The following NRXN3 variants were observed in gnomAD, a reference collection of about 807,000 sequenced individuals.
The protein encoded by NRXN3 is neurexin III.
In NRXN3, 32 loss-of-function variants were observed where a neutral mutation model predicts 137.6. The observed-to-expected ratio is 0.23, with a 90% CI of 0.18 to 0.31. The LOEUF (loss-of-function observed/expected upper bound fraction) is 0.31. NRXN3 is among the 10% of genes least tolerant of loss of function. The pLI is 1.00. For synonymous variants in NRXN3, 798 were observed against 784.5 expected (o/e 1.02, Z -0.29); for missense variants, 1,574 against 2,062.5 (o/e 0.76, Z 4.59).
At chr14:79,123,728 CT>C (rs2055890564) in intron 15 of NRXN3, among the ~76,000 whole-genome samples, 1 of 152,096 alleles carries the variant, frequency 6.6e-6, no homozygotes, top group Admixed American at 6.6e-5. Flanking sequence ...ATCTTGGAGG[CT>C]GGGATATAAG....
At chr14:79,386,506 C>T (rs1028271981) in intron 15 of NRXN3, among the ~76,000 whole-genome samples, 9 of 152,004 alleles carry the variant, frequency 5.9e-5, no homozygotes, top group East Asian at 1.9e-4. Flanking sequence ...GAATCAATAT[C>T]GTGAAAATGG....
At chr14:78,988,244 A>G (rs757400917) in intron 15 of NRXN3, 103 bp downstream of exon 15, 7 of 1,405,416 alleles carry the variant, frequency 5.0e-6, no homozygotes, top group East Asian at 2.3e-5. Flanking sequence ...TGAAAGATTC[A>G]TAAGTAATTC....
chr14:78,931,493 G>A (rs1310420444), intron 10 of NRXN3, among the ~76,000 whole-genome samples: 9 of 152,126 alleles, frequency 5.9e-5, no homozygotes, highest in Non-Finnish European at 1.2e-4. Context: ...TTATGAGAGA[G>A]GAAGTGAGGA....
intron 4 of NRXN3, among the ~76,000 whole-genome samples, chr14:78,364,207 C>T (rs552712244): frequency 7.2e-5 from 11 of 152,234 alleles, no homozygotes; most frequent in Admixed American, 3.3e-4. Flanking sequence ...TAATGTTACT[C>T]GGAAAAGAGA....
At chr14:79,823,810 TG>T in intron 20 of NRXN3, 1 of 364,388 alleles carries the variant, frequency 2.7e-6, no homozygotes, top group Non-Finnish European at 6.1e-6. Context: ...GGAAAGCTGC[TG>T]GAGGAATTCA....
chr14:79,463,689 G>C (rs1298706569), intron 15 of NRXN3, among the ~76,000 whole-genome samples: 1 of 152,106 alleles, frequency 6.6e-6, no homozygotes, highest in African/African-American at 2.4e-5. Context: ...GAATTGGTCA[G>C]TTTTTGCCAA....
chr14:79,576,414 TC>T (rs2097665352), intron 16 of NRXN3, among the ~76,000 whole-genome samples: 3 of 152,202 alleles, frequency 2.0e-5, no homozygotes, highest in Admixed American at 2.0e-4. Flanking sequence ...TTGAAGAGGC[TC>T]ATGTATTTAT....
At chr14:79,502,955 C>T (rs2096839731) in intron 16 of NRXN3, among the ~76,000 whole-genome samples, 1 of 152,126 alleles carries the variant, frequency 6.6e-6, no homozygotes, top group African/African-American at 2.4e-5. Context: ...CTTCCTTTCT[C>T]TTTTCCCATC....
At chr14:78,566,773 C>T (rs755843805) in intron 4 of NRXN3, among the ~76,000 whole-genome samples, 2 of 152,172 alleles carry the variant, frequency 1.3e-5, no homozygotes, top group Non-Finnish European at 2.9e-5. Flanking sequence ...AAGCTTTACT[C>T]GGTGTGGAAA....
At chr14:78,296,757 T>A (rs1239227298) in intron 3 of NRXN3, among the ~76,000 whole-genome samples, 2 of 152,192 alleles carry the variant, frequency 1.3e-5, no homozygotes, top group Non-Finnish European at 2.9e-5. Flanking sequence ...TGACCTATAT[T>A]TTGTCTCTGA....
intron 4 of NRXN3, among the ~76,000 whole-genome samples, chr14:78,414,148 C>T (rs756649103): frequency 2.6e-5 from 4 of 152,072 alleles, no homozygotes; most frequent in Admixed American, 6.6e-5. Context: ...GTCTTGGGTA[C>T]GTCTTTATTA....
In NRXN3 at chr14:79,498,111, G is replaced by A. The variant is rs144654948; in HGVS notation, c.3444+30709G>A. 3.5e-3 allele frequency among the ~76,000 whole-genome samples: 530 copies of A among 152,250 alleles called. 4 individuals carry two copies. Among genetic ancestry groups the A allele is most frequent in the African/African-American group, 0.012 (505 of 41,556 alleles). ...GTGTTTAAAATAGTTATATCTGAGC[G>A]TCGGAATTATACTATTTTAAATACA... On this transcript the variant is annotated intron_variant, in intron 16 of 20. Coordinates refer to ENST00000335750, the MANE Select transcript of NRXN3 (RefSeq NM_001330195.2).
At chr14:79,835,885 C>T (rs938283600) in intron 20 of NRXN3, among the ~76,000 whole-genome samples, 9 of 152,116 alleles carry the variant, frequency 5.9e-5, no homozygotes, top group Admixed American at 2.6e-4. Context: ...GGAAACTTGA[C>T]AGTGACAGCA....
At chr14:78,573,651 G>C (rs2096909855) in intron 4 of NRXN3, among the ~76,000 whole-genome samples, 1 of 152,202 alleles carries the variant, frequency 6.6e-6, no homozygotes, top group South Asian at 2.1e-4. Context: ...GGTGACTTGG[G>C]TGTTCTTAAA....
intron 15 of NRXN3, among the ~76,000 whole-genome samples, chr14:78,994,992 G>T (rs774939428): frequency 1.3e-5 from 2 of 152,066 alleles, no homozygotes; most frequent in Non-Finnish European, 2.9e-5. Context: ...CTGATTGAGG[G>T]TTTGGTCCCA....
intron 15 of NRXN3, among the ~76,000 whole-genome samples, chr14:78,989,868 TGG>T (rs889788492): frequency 1.3e-5 from 2 of 152,220 alleles, no homozygotes; most frequent in African/African-American, 2.4e-5. Context: ...TATCGTAACG[TGG>T]TGAGCACGCA....
At chr14:78,628,265 G>A (rs895416160) in intron 4 of NRXN3, among the ~76,000 whole-genome samples, 1 of 151,986 alleles carries the variant, frequency 6.6e-6, no homozygotes, top group African/African-American at 2.4e-5. Context: ...TAGAGATAGG[G>A]TCTCTTTGTT....
chr14:78,943,621 AATATATAT>A lies in NRXN3; in HGVS notation c.2276-13570_2276-13563del, dbSNP rs60429358. Among the ~76,000 whole-genome samples the A allele has an allele frequency of 4.6e-3, 129 of 27,836 alleles. 4 individuals carry two copies. The highest frequency in any genetic ancestry group is 6.1e-3 in the Non-Finnish European group (99 of 16,352). The allele number at this position is 27,836 out of a possible 152,430, so 18.3% of individuals were successfully genotyped here. A position where few individuals can be genotyped will look rare whatever the true frequency, so the allele number is the denominator to read the frequency against. ...AGCAAGATCACTGTTAAAAAAAAAA[AATATATAT>A]ATATATATATATATATATATATATA... On this transcript the variant is annotated intron_variant, in intron 10 of 20. Transcript: ENST00000335750.
intron 10 of NRXN3, among the ~76,000 whole-genome samples, chr14:78,853,476 C>A (rs1385360898): frequency 6.6e-6 from 1 of 152,056 alleles, no homozygotes; most frequent in Non-Finnish European, 1.5e-5. Flanking sequence ...TATTTCATCA[C>A]CCAGGTATTA....
Sources: gnomAD v4.1 joint callset for allele counts (sites outside exome capture counted in the v4.1 genomes callset) on GRCh38, gnomAD v4.1.1 for gene constraint, MANE v1.5 for transcripts, NCBI Gene and HGNC (gene_info 2026-07-23, HGNC 2026-07-21) for gene names.